The following ADGRL3 variants were observed in gnomAD, a reference collection of about 807,000 sequenced individuals.
ADGRL3 encodes the protein adhesion G protein-coupled receptor L3, also known as calcium-independent alpha-latrotoxin receptor 3.
A neutral mutation model predicts 153.5 loss-of-function variants in ADGRL3; 62 were observed. The observed-to-expected ratio is 0.40, with a 90% CI of 0.33 to 0.50. The LOEUF is 0.50. Ranked by LOEUF, ADGRL3 falls within the 20% of genes least tolerant of loss-of-function variation. The pLI, the probability that ADGRL3 is intolerant of heterozygous loss-of-function variation, is 0.47. For missense variants in ADGRL3, 1,641 were observed against 1,859.4 expected (o/e 0.88, Z 2.16); for synonymous variants, 710 against 672.5 (o/e 1.06, Z -0.86).
intron 21 of ADGRL3, among the ~76,000 whole-genome samples, chr4:62,004,433 A>G (rs2099150895): frequency 6.6e-6 from 1 of 152,008 alleles, no homozygotes; most frequent in African/African-American, 2.4e-5. Flanking sequence ...GAAAATTTTT[A>G]GAACTTTCTT....
intron 1 of ADGRL3, among the ~76,000 whole-genome samples, chr4:61,294,893 A>G (rs2094351129): frequency 2.0e-5 from 1 of 50,972 alleles, no homozygotes; most frequent in South Asian, 8.4e-4. Context: ...TTACACACAC[A>G]CACACACACT....
intron 17 of ADGRL3, among the ~76,000 whole-genome samples, chr4:61,958,767 G>C (rs548148476): frequency 2.0e-4 from 31 of 152,242 alleles, no homozygotes; most frequent in African/African-American, 7.2e-4. Flanking sequence ...CACACAGGGG[G>C]ATTCCAATTC....
chr4:61,783,343 C>T (rs541584034), intron 8 of ADGRL3, among the ~76,000 whole-genome samples: 5 of 152,108 alleles, frequency 3.3e-5, no homozygotes, highest in African/African-American at 1.2e-4. Flanking sequence ...GTATTTAATT[C>T]CCATAGACCT....
intron 1 of ADGRL3, among the ~76,000 whole-genome samples, chr4:61,308,951 C>T (rs889249377): frequency 6.6e-6 from 1 of 152,084 alleles, no homozygotes; most frequent in African/African-American, 2.4e-5. Context: ...CACTTCATTT[C>T]ATTTTTTCTT....
intron 6 of ADGRL3, among the ~76,000 whole-genome samples, chr4:61,713,511 A>G (rs66924184): frequency 0.23 from 34,442 of 151,586 alleles, 4,154 homozygotes; most frequent in East Asian, 0.39. Flanking sequence ...TTCTCTCAGA[A>G]TCTTAAAAGT....
chr4:61,965,191 G>T (rs1389288299), intron 17 of ADGRL3, among the ~76,000 whole-genome samples: 1 of 151,804 alleles, frequency 6.6e-6, no homozygotes, highest in African/African-American at 2.4e-5. Flanking sequence ...TAGAGATGGG[G>T]TTTTGCCATG....
At chr4:61,909,962 C>A (rs2098714859) in intron 12 of ADGRL3, among the ~76,000 whole-genome samples, 1 of 151,574 alleles carries the variant, frequency 6.6e-6, no homozygotes, top group Non-Finnish European at 1.5e-5. Context: ...AAATGATAAT[C>A]TCTCTATATA....
At chr4:61,259,340 G>C (rs894898825) in intron 1 of ADGRL3, among the ~76,000 whole-genome samples, 28 of 151,810 alleles carry the variant, frequency 1.8e-4, no homozygotes, top group Admixed American at 1.1e-3. Flanking sequence ...GGAGAATGGC[G>C]TGAACCCGGG....
chr4:61,978,087 T>G (rs561044439), intron 17 of ADGRL3, among the ~76,000 whole-genome samples: 1 of 152,324 alleles, frequency 6.6e-6, no homozygotes, highest in South Asian at 2.1e-4. Context: ...AAATTGGGCT[T>G]AGTGTGGAAG....
chr4:62,058,694 T>C (rs942272228), intron 25 of ADGRL3, among the ~76,000 whole-genome samples: 12 of 152,148 alleles, frequency 7.9e-5, no homozygotes, highest in African/African-American at 2.7e-4. Flanking sequence ...AGCCCAACTT[T>C]TCAGCTGAAA....
chr4:61,607,681 G>A (rs578197098), intron 5 of ADGRL3, among the ~76,000 whole-genome samples: 54 of 152,248 alleles, frequency 3.5e-4, no homozygotes, highest in Non-Finnish European at 6.0e-4. Flanking sequence ...TGTAACCTCT[G>A]GCTACCTGAC....
chr4:61,488,078 A>G (rs2098217230), intron 2 of ADGRL3, among the ~76,000 whole-genome samples: 1 of 152,114 alleles, frequency 6.6e-6, no homozygotes, highest in South Asian at 2.1e-4. Flanking sequence ...TGTGTCGAAC[A>G]TTAATCTATT....
At chr4:61,566,177 A>G (rs2098815419) in intron 4 of ADGRL3, among the ~76,000 whole-genome samples, 1 of 144,824 alleles carries the variant, frequency 6.9e-6, no homozygotes, top group Admixed American at 6.8e-5. Flanking sequence ...TCCAGGATCA[A>G]TATGTTTGCA....
intron 8 of ADGRL3, among the ~76,000 whole-genome samples, chr4:61,765,549 G>A (rs2096966429): frequency 6.6e-6 from 1 of 152,052 alleles, no homozygotes; most frequent in African/African-American, 2.4e-5. Context: ...CTAAGAGCCT[G>A]AAAAACTGCT....
intron 11 of ADGRL3, among the ~76,000 whole-genome samples, chr4:61,907,844 A>G (rs958636760): frequency 1.3e-5 from 2 of 152,084 alleles, no homozygotes; most frequent in African/African-American, 4.8e-5. Context: ...AAACATTACT[A>G]ATTTGTTCCC....
At chr4:61,257,792 C>T (rs2092118575) in intron 1 of ADGRL3, among the ~76,000 whole-genome samples, 1 of 152,024 alleles carries the variant, frequency 6.6e-6, no homozygotes, top group Non-Finnish European at 1.5e-5. Context: ...AAGATTATTT[C>T]ACTTCATACC....
At chr4:61,230,966 T>C (rs958571381) in intron 1 of ADGRL3, among the ~76,000 whole-genome samples, 2 of 152,182 alleles carry the variant, frequency 1.3e-5, no homozygotes, top group African/African-American at 4.8e-5. Flanking sequence ...TGCAAGCATC[T>C]AGTCCAAGCA....
intron 4 of ADGRL3, among the ~76,000 whole-genome samples, chr4:61,532,555 C>CGCGCGTGT (rs760218872): frequency 1.4e-4 from 19 of 131,472 alleles, no homozygotes; most frequent in African/African-American, 4.0e-4. Context: ...CGCGCGCGCG[C>CGCGCGTGT]GTGTGTGTGT....
At chr4:61,350,677 T>C (rs1197274085) in intron 1 of ADGRL3, among the ~76,000 whole-genome samples, 3 of 152,108 alleles carry the variant, frequency 2.0e-5, no homozygotes, top group Non-Finnish European at 4.4e-5. Context: ...ATTATATCTA[T>C]TAGAGTGATC....
Sources: allele counts gnomAD v4.1 joint callset (sites outside exome capture counted in the v4.1 genomes callset), GRCh38; gene constraint gnomAD v4.1.1; transcripts MANE v1.5; gene names NCBI Gene and HGNC (gene_info 2026-07-23, HGNC 2026-07-21).